NTM: variants seen among roughly 807,000 people sequenced by gnomAD.
NTM encodes neurotrimin.
In NTM, 13 loss-of-function variants were observed where a neutral mutation model predicts 42.1. The ratio of observed to expected loss-of-function variants is 0.31; its 90% CI spans 0.20 to 0.49. NTM has a LOEUF of 0.49. NTM is among the 20% of genes least tolerant of loss of function. NTM has a pLI of 0.99. For synonymous variants in NTM, 187 were observed against 179.2 expected (o/e 1.04, Z -0.35); for missense variants, 373 against 452.8 (o/e 0.82, Z 1.60).
chr11:132,174,952 G>A (rs937537286), intron 3 of NTM, among the ~76,000 whole-genome samples: 8 of 152,036 alleles, frequency 5.3e-5, no homozygotes, highest in African/African-American at 1.7e-4. Context: ...ATATTTCTGG[G>A]TAACAAGACT....
At chr11:131,716,827 A>G (rs797005007) in intron 1 of NTM, among the ~76,000 whole-genome samples, 13 of 152,224 alleles carry the variant, frequency 8.5e-5, no homozygotes, top group African/African-American at 3.1e-4. Context: ...ACTGTTGATT[A>G]CTAAAGCTTT....
At chr11:131,792,286 A>C (rs2091039271) in intron 1 of NTM, among the ~76,000 whole-genome samples, 1 of 152,202 alleles carries the variant, frequency 6.6e-6, no homozygotes, top group Non-Finnish European at 1.5e-5. Context: ...AACAGAAAAT[A>C]TTTGGTGGGT....
At chr11:131,558,538 A>G (rs1219966818) in intron 1 of NTM, among the ~76,000 whole-genome samples, 7 of 152,152 alleles carry the variant, frequency 4.6e-5, no homozygotes, top group African/African-American at 4.8e-5. Flanking sequence ...TTGGTTCTCA[A>G]GTGGTTAGGA....
At chr11:131,989,713 A>G (rs1234796765) in intron 2 of NTM, among the ~76,000 whole-genome samples, 2 of 107,578 alleles carry the variant, frequency 1.9e-5, no homozygotes, top group East Asian at 5.0e-4. Context: ...ATATTTAGAT[A>G]CATGCACACA....
intron 1 of NTM, among the ~76,000 whole-genome samples, chr11:131,584,505 G>A (rs535332283): frequency 6.6e-6 from 1 of 152,238 alleles, no homozygotes; most frequent in East Asian, 1.9e-4. Flanking sequence ...TTCAAGCCGG[G>A]ACTATATGTG....
At chr11:131,556,365 C>T (rs541831856) in intron 1 of NTM, among the ~76,000 whole-genome samples, 51 of 152,232 alleles carry the variant, frequency 3.4e-4, no homozygotes, top group African/African-American at 1.0e-3. Context: ...ACATGAAAAG[C>T]AGAGTATTAT....
At chr11:131,753,378 A>G (rs1342602911) in intron 1 of NTM, among the ~76,000 whole-genome samples, 1 of 144,236 alleles carries the variant, frequency 6.9e-6, no homozygotes, top group Non-Finnish European at 1.5e-5. Flanking sequence ...TGACCCAGCC[A>G]TCCCATTACT....
chr11:131,544,725 C>T (rs961430050), intron 1 of NTM, among the ~76,000 whole-genome samples: 89 of 152,196 alleles, frequency 5.8e-4, no homozygotes, highest in African/African-American at 2.1e-3. Context: ...TGTTTTATTT[C>T]CTGCTCCGCA....
intron 1 of NTM, among the ~76,000 whole-genome samples, chr11:131,589,229 G>A (rs138972430): frequency 8.0e-5 from 12 of 150,124 alleles, no homozygotes; most frequent in South Asian, 2.1e-4. Context: ...GGGAAGGCAC[G>A]AGGCTAGAAG....
intron 1 of NTM, among the ~76,000 whole-genome samples, chr11:131,503,288 C>T (rs1310661235): frequency 6.6e-6 from 1 of 152,112 alleles, no homozygotes; most frequent in African/African-American, 2.4e-5. Context: ...ACCAGCTTCA[C>T]TCAGCAGAAA....
At chr11:132,307,925 G>A (rs2095150341) in intron 5 of NTM, 102 bp downstream of exon 5, 1 of 1,162,096 alleles carries the variant, frequency 8.6e-7, no homozygotes, top group Admixed American at 2.4e-5. Flanking sequence ...CTGACTTAGG[G>A]TGGGAAGAAT....
intron 1 of NTM, among the ~76,000 whole-genome samples, chr11:131,592,647 AACAC>A (rs3040142): frequency 0.46 from 64,136 of 140,442 alleles, 14,784 homozygotes; most frequent in East Asian, 0.52. Context: ...ACACACCCCA[AACAC>A]ACACACACAC....
Position 131,695,158 on chromosome 11 carries a change from A to AC in NTM, c.83-216399dup, listed in dbSNP as rs1290507953. ...GGACAGGCTGAGGATTTTAGTACCC[A>AC]CCCCCCCGCCCTGAAAAGAAAAATC... is the stretch of plus-strand genomic sequence containing the variant. On this transcript the variant is annotated intron_variant, in intron 1 of 8. Transcript: ENST00000683400. Among the ~76,000 whole-genome samples the AC allele has an allele frequency of 2.4e-4, 11 of 46,114 alleles. No homozygotes were observed. In the South Asian group the frequency reaches 4.5e-3, roughly 19 times the overall value. 30.3% of individuals were successfully genotyped at this position (46,114 alleles called of 152,430 possible). A position where few individuals can be genotyped will look rare whatever the true frequency, so the allele number is the denominator to read the frequency against.
intron 1 of NTM, among the ~76,000 whole-genome samples, chr11:131,670,930 C>T (rs955646731): frequency 1.3e-5 from 2 of 152,168 alleles, no homozygotes; most frequent in Non-Finnish European, 2.9e-5. Flanking sequence ...GCCCAGGAGG[C>T]TCCCAGGGAA....
At chr11:132,155,556 C>A (rs79223367) in intron 3 of NTM, among the ~76,000 whole-genome samples, 1 of 146,834 alleles carries the variant, frequency 6.8e-6, no homozygotes, top group Admixed American at 6.7e-5. Flanking sequence ...TTGCTCCTGG[C>A]TTTCTGGCCT....
chr11:131,799,500 G>C (rs1429993481), intron 1 of NTM, among the ~76,000 whole-genome samples: 1 of 152,150 alleles, frequency 6.6e-6, no homozygotes, highest in African/African-American at 2.4e-5. Flanking sequence ...TTCATGAAGA[G>C]GTCTGGGTTG....
chr11:131,785,392 G>A (rs2088967781), intron 1 of NTM, among the ~76,000 whole-genome samples: 2 of 152,204 alleles, frequency 1.3e-5, no homozygotes, highest in African/African-American at 4.8e-5. Flanking sequence ...AGATCAGATA[G>A]AGTCTCAAAA....
chr11:131,635,447 G>A (rs1183227434), intron 1 of NTM, among the ~76,000 whole-genome samples: 1 of 151,928 alleles, frequency 6.6e-6, no homozygotes, highest in African/African-American at 2.4e-5. Context: ...AAAACACAAA[G>A]AAAATTTAAA....
chr11:131,566,216 C>T (rs962914854), intron 1 of NTM, among the ~76,000 whole-genome samples: 2 of 152,172 alleles, frequency 1.3e-5, no homozygotes, highest in Non-Finnish European at 2.9e-5. Flanking sequence ...ATTTAGGGGA[C>T]TCCTCCAGCG....
Sources: allele counts gnomAD v4.1 joint callset (sites outside exome capture counted in the v4.1 genomes callset), GRCh38; gene constraint gnomAD v4.1.1; transcripts MANE v1.5; gene names NCBI Gene and HGNC (gene_info 2026-07-23, HGNC 2026-07-21).